NCALD: variants seen among roughly 807,000 people sequenced by gnomAD.
The protein encoded by NCALD is neurocalcin delta.
In NCALD, 10 loss-of-function variants were observed where a neutral mutation model predicts 18.6. The ratio of observed to expected loss-of-function variants is 0.54; its 90% CI spans 0.33 to 0.91. The LOEUF (loss-of-function observed/expected upper bound fraction) is 0.91. Ranked by LOEUF, NCALD falls within the 40% of genes least tolerant of loss-of-function variation. The pLI is 0.03. For missense variants in NCALD, 184 were observed against 247.6 expected (o/e 0.74, Z 1.72); for synonymous variants, 88 against 87.4 (o/e 1.01, Z -0.04).
chr8:102,009,412 G>C (rs565485263), intron 2 of NCALD, among the ~76,000 whole-genome samples: 2 of 152,186 alleles, frequency 1.3e-5, no homozygotes, highest in Non-Finnish European at 2.9e-5. Context: ...TTTTATTCAG[G>C]GTAGACCTGT....
chr8:102,112,555 G>T lies in NCALD; in HGVS notation c.-210+11682C>A, dbSNP rs186904073. On this transcript the variant is annotated intron_variant, in intron 1 of 6. Coordinates refer to the NCALD transcript ENST00000311028. ...ACATTTAGCTATTGTGAATGAAGAA[G>T]ATACTGAATGACTACATCAGTTTTC... Among the ~76,000 whole-genome samples, 651 of 152,258 alleles carry T rather than the reference G, an allele frequency of 4.3e-3. 17 individuals carry two copies. The highest frequency in any genetic ancestry group is 0.037 in the Admixed American group (572 of 15,292).
At chr8:101,870,888 A>AC (rs1815978714) in intron 4 of NCALD, among the ~76,000 whole-genome samples, 11 of 37,556 alleles carry the variant, frequency 2.9e-4, no homozygotes, top group South Asian at 1.6e-3. Flanking sequence ...ATGCTCTACC[A>AC]CCGCCCCCAC....
chr8:102,124,245 C>T (rs1158518040), exon 1 of NCALD: 9 of 152,074 alleles, frequency 5.9e-5, no homozygotes, highest in African/African-American at 2.2e-4. Context: ...ACCGCCTCGG[C>T]CGCTCCCAGC....
intron 1 of NCALD, among the ~76,000 whole-genome samples, chr8:102,056,325 A>G (rs1269698): frequency 0.88 from 133,327 of 152,162 alleles, 58,479 homozygotes; most frequent in South Asian, 0.96. Context: ...CTCTGAGCCT[A>G]CCCTTTTAAA....
chr8:101,753,899 T>C (rs1189056685), intron 1 of NCALD, among the ~76,000 whole-genome samples: 1 of 152,224 alleles, frequency 6.6e-6, no homozygotes, highest in East Asian at 1.9e-4. Flanking sequence ...TCTTGTTCTG[T>C]GAGATAACAT....
intron 1 of NCALD, among the ~76,000 whole-genome samples, chr8:101,738,168 T>C (rs553179638): frequency 2.7e-4 from 41 of 152,304 alleles, no homozygotes; most frequent in African/African-American, 9.9e-4. Context: ...CCTTATGTTT[T>C]GTTTTTCCTA....
intron 2 of NCALD, among the ~76,000 whole-genome samples, chr8:102,000,768 T>G (rs1821425393): frequency 6.6e-6 from 1 of 152,112 alleles, no homozygotes; most frequent in Non-Finnish European, 1.5e-5. Context: ...GCAAACAGGG[T>G]CTGGAGTGGA....
intron 4 of NCALD, among the ~76,000 whole-genome samples, chr8:101,850,449 C>G (rs1456993554): frequency 1.3e-5 from 2 of 152,180 alleles, no homozygotes; most frequent in Admixed American, 6.5e-5. Flanking sequence ...TCGCTACACA[C>G]TTATTTTAAA....
chr8:101,976,555 A>G (rs1416995576), intron 2 of NCALD, among the ~76,000 whole-genome samples: 3 of 152,250 alleles, frequency 2.0e-5, no homozygotes, highest in African/African-American at 7.2e-5. Context: ...TAGCTTAAAT[A>G]CCCAAAGGAA....
In NCALD at chr8:102,041,909, A is replaced by G. The variant is rs377553425; in HGVS notation, c.-209-21620T>C. Among the ~76,000 whole-genome samples, 16 of 152,146 alleles carry G rather than the reference A, an allele frequency of 1.1e-4. No homozygotes were observed. The East Asian group carries it at 2.9e-3, about 28-fold the overall frequency. The stretch of plus-strand genomic sequence containing the variant: ...TTCTCTCTTTAACCAAAAAAGCGAA[A>G]TCACCTACTATTATAGAGTGGGTTT... On this transcript the variant is annotated intron_variant, in intron 1 of 6. Coordinates refer to the NCALD transcript ENST00000311028.
At chr8:102,047,034 T>C (rs920445111) in intron 1 of NCALD, among the ~76,000 whole-genome samples, 2 of 152,226 alleles carry the variant, frequency 1.3e-5, no homozygotes, top group East Asian at 1.9e-4. Context: ...TCACAGGTTC[T>C]TATCATTTAG....
chr8:102,032,271 C>G (rs973135423), intron 1 of NCALD, among the ~76,000 whole-genome samples: 2 of 152,162 alleles, frequency 1.3e-5, no homozygotes, highest in Non-Finnish European at 2.9e-5. Flanking sequence ...CCACCTACTC[C>G]TGATACATTG....
chr8:101,928,822 A>G (rs1437357149), intron 2 of NCALD, among the ~76,000 whole-genome samples: 2 of 152,188 alleles, frequency 1.3e-5, no homozygotes, highest in Non-Finnish European at 2.9e-5. Context: ...ATTTATTAGC[A>G]TTTGTAGTGA....
chr8:102,029,719 G>A (rs567603476), intron 1 of NCALD, among the ~76,000 whole-genome samples: 11 of 152,100 alleles, frequency 7.2e-5, no homozygotes, highest in Admixed American at 2.6e-4. Flanking sequence ...CACAGCATTC[G>A]AGCTGAAGGA....
At position 101,854,443 on chromosome 8, in the gene NCALD, A is replaced by C. The variant is rs1815224155; in HGVS notation, c.-20+32698T>G. The stretch of plus-strand genomic sequence containing the variant: ...AGTGCATGGGTCAGAAAGCTCCTAC[A>C]TTCACTTTCTACTGTCCCTGCACTT... On this transcript the variant is annotated intron_variant, in intron 4 of 6. Coordinates refer to the NCALD transcript ENST00000311028. Among the ~76,000 whole-genome samples, 4 of 152,200 alleles carry C rather than the reference A, an allele frequency of 2.6e-5. 1 individual carries two copies. The highest frequency in any genetic ancestry group is 2.6e-4 in the Admixed American group (4 of 15,272).
intron 2 of NCALD, among the ~76,000 whole-genome samples, chr8:102,011,254 A>G (rs1363950616): frequency 6.6e-6 from 1 of 152,120 alleles, no homozygotes; most frequent in Non-Finnish European, 1.5e-5. Flanking sequence ...TTCTGTGCCC[A>G]ATCTGAGAAC....
At chr8:101,977,363 C>G (rs1415408508) in intron 2 of NCALD, among the ~76,000 whole-genome samples, 2 of 152,140 alleles carry the variant, frequency 1.3e-5, no homozygotes, top group Non-Finnish European at 2.9e-5. Flanking sequence ...GATACCTCTG[C>G]TGAAAAGTTA....
At chr8:101,922,760 CATACT>C (rs975947645) in intron 2 of NCALD, among the ~76,000 whole-genome samples, 8 of 152,270 alleles carry the variant, frequency 5.3e-5, no homozygotes, top group African/African-American at 9.6e-5. Context: ...GAATTTGATA[CATACT>C]ATGTTTTCTA....
intron 1 of NCALD, among the ~76,000 whole-genome samples, chr8:102,068,479 G>A (rs1224814312): frequency 1.3e-5 from 2 of 152,062 alleles, no homozygotes; most frequent in Non-Finnish European, 2.9e-5. Context: ...TCTTTCCTCT[G>A]TTCTTCACAA....
Sources: allele counts gnomAD v4.1 joint callset (sites outside exome capture counted in the v4.1 genomes callset), GRCh38; gene constraint gnomAD v4.1.1; transcripts MANE v1.5; gene names NCBI Gene and HGNC (gene_info 2026-07-23, HGNC 2026-07-21).